The following NUP58 variants were observed in gnomAD, a reference collection of about 807,000 sequenced individuals.
NUP58 encodes the protein nucleoporin 58, also known as nucleoporin p58/p45.
NUP58 carries 17 observed loss-of-function variants against 70.1 expected under a neutral mutation model. The ratio of observed to expected loss-of-function variants is 0.24; its 90% confidence interval spans 0.17 to 0.36. The LOEUF is 0.36. Ranked by LOEUF, NUP58 falls within the 10% of genes least tolerant of loss-of-function variation. The probability of loss-of-function intolerance (pLI) is 1.00; values close to 1 mark genes in which losing one functional copy is unlikely to be tolerated. For synonymous variants in NUP58, 275 were observed against 257.6 expected, an observed-to-expected ratio of 1.07 and a Z score of -0.65; for missense variants, 644 against 701.5, an observed-to-expected ratio of 0.92 and a Z score of 0.93.
In NUP58 at chr13:25,303,202, C is replaced by T. The variant is rs141045853; in HGVS notation, c.107+1322C>T. ...CATTGCTCTCTCTTTAATCATTACC[C>T]GCCATCGTTAGAATGAAGTTTAAAA... On this transcript the variant is annotated intron_variant, in intron 1 of 15. Transcript: ENST00000381736. 21 of 418,004 alleles carry T rather than the reference C, an allele frequency of 5.0e-5. 1 individual carries two copies. The East Asian group carries it at 1.3e-3, about 27-fold the overall frequency. The allele number at this position is 418,004 out of a possible 1,614,324, so 25.9% of individuals were successfully genotyped here.
At chr13:25,339,891 C>T in intron 15 of NUP58, 74 bp from the exon 16 acceptor site, 2 of 1,260,300 alleles carry the variant, frequency 1.6e-6, no homozygotes, top group South Asian at 1.5e-5. Context: ...TAGAAATTTA[C>T]TGCTCCTCCC....
rs180940420 is a variant in NUP58, at chr13:25,310,142, A to G, written c.286+860A>G. The G allele has an allele frequency of 1.2e-4, 23 of 198,234 alleles. No homozygotes were observed. In the East Asian group the frequency reaches 3.6e-3, roughly 31 times the overall value. The allele number at this position is 198,234 out of a possible 1,614,324, so 12.3% of individuals were successfully genotyped here. A position where few individuals can be genotyped will look rare whatever the true frequency, so the allele number is the denominator to read the frequency against. On this transcript the variant is annotated intron_variant, in intron 3 of 15. Coordinates refer to ENST00000381736, the MANE Select transcript of NUP58 (RefSeq NM_014089.4). ...ACTGCAACCTCAAACTCTTGGGCTC[A>G]AGCGATCTTCTCTGGGGTTCCCAAG...
chr13:25,307,775 T>G, intron 1 of NUP58, 31 bp from the exon 2 acceptor site: 1 of 1,611,672 alleles, frequency 6.2e-7, no homozygotes, highest in Non-Finnish European at 8.5e-7. Flanking sequence ...GTGCATGTGA[T>G]TTTTGTTTTG....
intron 7 of NUP58, 29 bp from the exon 8 acceptor site, chr13:25,320,501 C>T (rs2031135254): frequency 1.3e-6 from 2 of 1,508,834 alleles, no homozygotes; most frequent in Non-Finnish European, 1.8e-6. Flanking sequence ...ATCTCAATGA[C>T]CTTAATACAT....
intron 3 of NUP58, among the ~76,000 whole-genome samples, chr13:25,347,630 A>G (rs996644836): frequency 6.6e-6 from 1 of 152,186 alleles, no homozygotes; most frequent in Non-Finnish European, 1.5e-5. Context: ...TATGCATCTA[A>G]AAGATGTTTT....
intron 13 of NUP58, chr13:25,334,628 T>C: frequency 1.0e-6 from 1 of 982,096 alleles, no homozygotes; most frequent in Non-Finnish European, 1.2e-6. Context: ...GAAAAATTAT[T>C]TTAAAATGTG....
intron 12 of NUP58, 59 bp downstream of exon 12, chr13:25,327,571 T>C: frequency 9.4e-7 from 1 of 1,064,706 alleles, no homozygotes; most frequent in Non-Finnish European, 1.4e-6. Context: ...TTTGTTCATC[T>C]GGGGACAAAT....
chr13:25,315,540 TTGTG>T lies in NUP58; in HGVS notation c.685+76_685+79del, dbSNP rs1169412124. On this transcript the variant is annotated intron_variant, in intron 6 of 15. Transcript: ENST00000381736. ...AATGTCTAGGTTGCTCAAAATTCCT[TTGTG>T]TGGAAGATTAGCAGTTATATATTTA... 7 of 1,015,136 alleles carry T rather than the reference TTGTG, an allele frequency of 6.9e-6. No individual in the cohort carries two copies. In the East Asian group the frequency reaches 1.4e-4, roughly 21 times the overall value. 62.9% of individuals were successfully genotyped at this position (1,015,136 alleles called of 1,614,324 possible).
intron 2 of NUP58, among the ~76,000 whole-genome samples, chr13:25,309,006 G>A (rs973860456): frequency 6.6e-6 from 1 of 151,960 alleles, no homozygotes; most frequent in African/African-American, 2.4e-5. Context: ...TTTGTTATAA[G>A]CAATAGTTAT....
chr13:25,327,446 G>A lies in NUP58; in HGVS notation c.1167G>A (p.Met389Ile), dbSNP rs1460892451. 6.2e-7 allele frequency: 1 copy of A among 1,606,964 alleles called. No individual in the cohort carries two copies. The highest frequency in any genetic ancestry group is 8.5e-7 in the Non-Finnish European group (1 of 1,174,836). ...CTTTTATAGATTTGTCAATGGCTAT[G>A]CAGAAAATTTATCAAACATTTGTAG... is the stretch of plus-strand genomic sequence containing the variant. ...HITPQDLSMA[M>I]QKIYQTFVAL... The change falls in exon 12 of 16, where the codon ATG (methionine) becomes ATA (isoleucine). Residue 389 changes from methionine to isoleucine, a missense_variant. Around this residue, in one of 4 missense-constraint regions of NUP58, gnomAD observed 78 missense variants for 71.3 expected, o/e 1.09. Transcript: ENST00000381736.
chr13:25,337,123 C>G (rs1593201484), intron 14 of NUP58, 89 bp downstream of exon 14: 2 of 755,640 alleles, frequency 2.6e-6, no homozygotes, highest in African/African-American at 1.8e-5. Context: ...AGAGAATCTC[C>G]TGCTATTTTG....
chr13:25,332,910 A>G (rs907305876), intron 13 of NUP58: 2 of 984,610 alleles, frequency 2.0e-6, no homozygotes, highest in African/African-American at 3.5e-5. Context: ...CTAACCAGTT[A>G]ATCAAACCAA....
chr13:25,302,639 A>G (rs2030083601), intron 1 of NUP58, among the ~76,000 whole-genome samples: 1 of 152,236 alleles, frequency 6.6e-6, no homozygotes, highest in Admixed American at 6.5e-5. Context: ...TTTAAGCTTT[A>G]GAACTCAATT....
At chr13:25,304,055 C>T (rs973274181) in intron 1 of NUP58, among the ~76,000 whole-genome samples, 5 of 152,136 alleles carry the variant, frequency 3.3e-5, no homozygotes, top group African/African-American at 1.2e-4. Flanking sequence ...GGGGAGTTCT[C>T]ACATCTGGAA....
At chr13:25,335,072 T>C (rs900998800) in intron 13 of NUP58, 118 of 984,966 alleles carry the variant, frequency 1.2e-4, no homozygotes, top group Non-Finnish European at 1.4e-4. Flanking sequence ...GCATGGGAGA[T>C]ATTTATCATG....
chr13:25,301,663 C>G lies in NUP58; in HGVS notation c.-111C>G, dbSNP rs1270660836. The G allele has an allele frequency of 5.4e-6, 3 of 551,646 alleles. No homozygotes were observed. In the African/African-American group the frequency reaches 5.9e-5, roughly 11 times the overall value. 34.2% of individuals were successfully genotyped at this position (551,646 alleles called of 1,614,324 possible). ...CCGCCGTTGGGGCTGGAAGTTCCCGCCAGGTCCGTGCCGGGCGAGAGAGAT... is the reference window on the plus strand; with the variant it reads ...CCGCCGTTGGGGCTGGAAGTTCCCGGCAGGTCCGTGCCGGGCGAGAGAGAT... On this transcript the variant is annotated 5_prime_UTR_variant, in exon 1 of 16. Coordinates refer to ENST00000381736, the MANE Select transcript of NUP58 (RefSeq NM_014089.4).
intron 1 of NUP58, among the ~76,000 whole-genome samples, chr13:25,303,750 G>A (rs1566053945): frequency 6.6e-6 from 1 of 152,136 alleles, no homozygotes; most frequent in African/African-American, 2.4e-5. Flanking sequence ...TAATACCTAT[G>A]TCTCTCACTG....
At position 25,340,981 on chromosome 13, in the gene NUP58, T is replaced by C. The variant is rs1183286693; in HGVS notation, c.*847T>C. The C allele has an allele frequency of 2.0e-5, 3 of 152,170 alleles. No individual in the cohort carries two copies. Among genetic ancestry groups the C allele is most frequent in the African/African-American group, 7.2e-5 (3 of 41,418 alleles). The allele number at this position is 152,170 out of a possible 1,614,324, so 9.4% of individuals were successfully genotyped here. A position where few individuals can be genotyped will look rare whatever the true frequency, so the allele number is the denominator to read the frequency against. On this transcript the variant is annotated 3_prime_UTR_variant, in exon 16 of 16. Transcript: ENST00000381736. The stretch of plus-strand genomic sequence containing the variant: ...GCCTACAACTTTTGCCTCAGACTGT[T>C]CCCCTTTTCTAAGGGTATTCAAGTT...
At chr13:25,313,851 A>AT in intron 5 of NUP58, 100 bp downstream of exon 5, 1 of 918,710 alleles carries the variant, frequency 1.1e-6, no homozygotes, top group Non-Finnish European at 1.5e-6. Context: ...TAATCTGCAT[A>AT]TTTTCCTTTA....
Sources: allele counts gnomAD v4.1 joint callset (sites outside exome capture counted in the v4.1 genomes callset), GRCh38; gene constraint gnomAD v4.1.1; regional missense constraint gnomAD v4.1.1; transcripts MANE v1.5; gene names NCBI Gene and HGNC (gene_info 2026-07-23, HGNC 2026-07-21).